ASPH: variants seen among roughly 807,000 people sequenced by gnomAD.
ASPH encodes the protein aspartate beta-hydroxylase, also known as aspartyl/asparaginyl beta-hydroxylase.
In ASPH, 100 loss-of-function variants were observed where a neutral mutation model predicts 118.4. The observed-to-expected ratio is 0.84, with a 90% CI of 0.72 to 1.00. The LOEUF (loss-of-function observed/expected upper bound fraction) is 1.00, where lower values mean the gene tolerates loss of function less well. Ranked by LOEUF, ASPH falls within the 50% of genes least tolerant of loss-of-function variation. The pLI is 0.00. For synonymous variants in ASPH, 315 were observed against 325.6 expected (o/e 0.97, Z 0.35); for missense variants, 920 against 919.5 (o/e 1.00, Z -0.01).
At chr8:61,651,166 C>G in intron 4 of ASPH, 42 bp from the exon 5 acceptor site, 3 of 1,515,666 alleles carry the variant, frequency 2.0e-6, no homozygotes, top group Non-Finnish European at 2.7e-6. Context: ...AAAGCTCAAA[C>G]ATCAACATGG....
chr8:61,526,246 A>G (rs1233889421), intron 21 of ASPH, 134 bp from the exon 22 acceptor site: 3 of 1,236,228 alleles, frequency 2.4e-6, no homozygotes, highest in African/African-American at 1.5e-5. Context: ...TTATATTTCA[A>G]TTTCCTCTGG....
chr8:61,579,580 G>A (rs943032241), intron 15 of ASPH: 149 of 1,520,240 alleles, frequency 9.8e-5, no homozygotes, highest in African/African-American at 1.4e-4. Flanking sequence ...TCCCTCAGCC[G>A]CACCAGTTCC....
intron 17 of ASPH, among the ~76,000 whole-genome samples, chr8:61,565,283 A>T (rs557775647): frequency 2.0e-5 from 3 of 151,896 alleles, no homozygotes; most frequent in Non-Finnish European, 2.9e-5. Flanking sequence ...TTACCAGTAA[A>T]TTTTTTTTAG....
intron 13 of ASPH, chr8:61,624,957 A>C: frequency 2.0e-6 from 2 of 985,008 alleles, no homozygotes; most frequent in Non-Finnish European, 2.4e-6. Context: ...CCCATGCAGG[A>C]CTCACTACAT....
intron 16 of ASPH, among the ~76,000 whole-genome samples, chr8:61,574,784 T>G (rs1251549664): frequency 6.6e-6 from 1 of 152,164 alleles, no homozygotes; most frequent in African/African-American, 2.4e-5. Context: ...CCATGGCACG[T>G]GTATACCTAT....
rs1450700836 is a variant in ASPH at position 61,701,969 on chromosome 8, T to A, written c.103+12300A>T. On this transcript the variant is annotated intron_variant, in intron 1 of 24. Coordinates refer to ENST00000379454, the MANE Select transcript of ASPH (RefSeq NM_004318.4). ...TTAGTCATTTTAAATGGAATTTTAT[T>A]ACAAGGTAATACTAGACATACAATA... Among the ~76,000 whole-genome samples, 6 of 152,224 alleles carry A rather than the reference T, an allele frequency of 3.9e-5. No homozygotes were observed. The South Asian group carries it at 1.0e-3, about 26-fold the overall frequency.
intron 4 of ASPH, among the ~76,000 whole-genome samples, chr8:61,653,169 G>A (rs1811954645): frequency 6.6e-6 from 1 of 152,030 alleles, no homozygotes; most frequent in Non-Finnish European, 1.5e-5. Context: ...AGACCCTCAT[G>A]TAAAAAAGAC....
At chr8:61,573,283 G>A (rs4322002) in intron 16 of ASPH, among the ~76,000 whole-genome samples, 1 of 152,096 alleles carries the variant, frequency 6.6e-6, no homozygotes, top group African/African-American at 2.4e-5. Context: ...AATGGCCATA[G>A]TGCCCAAAGT....
At position 61,643,410 on chromosome 8, in the gene ASPH, C is replaced by A. The variant is rs1237803655; in HGVS notation, c.733G>T (p.Asp245Tyr). 5.6e-6 allele frequency: 9 copies of A among 1,605,262 alleles called. No individual in the cohort carries two copies. The highest frequency in any genetic ancestry group is 5.9e-6 in the Non-Finnish European group (7 of 1,179,542). The change falls in exon 9 of 25, where the codon GAT (aspartate) becomes TAT (tyrosine). Residue 245 changes from aspartate to tyrosine, a missense_variant. By Grantham distance (160) the Asp-to-Tyr change is radical. Coordinates refer to ENST00000379454, the MANE Select transcript of ASPH (RefSeq NM_004318.4). ...NPDSSEPVVE[D>Y]ERLHHDTDDV... ...CCTGTATCATGGTGCAATCTTTCAT[C>A]TTCTACTACTGGTTCACTGGAATCT...
At position 61,588,000 on chromosome 8, in the gene ASPH, AG is replaced by A. The variant is rs1242378208; in HGVS notation, c.977-3972del. Among the ~76,000 whole-genome samples, 41 of 152,264 alleles carry A rather than the reference AG, an allele frequency of 2.7e-4. No homozygotes were observed. In the Middle Eastern group the frequency reaches 0.014, roughly 51 times the overall value. On this transcript the variant is annotated intron_variant, in intron 14 of 24. Transcript: ENST00000379454. Reference sequence around the variant, plus strand: ...TGGGTGATGTGGGCTGCTTCTCTTAAGGTCTCTTTGAACTCAAAAGTCCTGT... The same window carrying A: ...TGGGTGATGTGGGCTGCTTCTCTTAAGTCTCTTTGAACTCAAAAGTCCTGT...
intron 18 of ASPH, among the ~76,000 whole-genome samples, chr8:61,559,577 G>C (rs1033906485): frequency 2.1e-4 from 32 of 152,044 alleles, no homozygotes; most frequent in African/African-American, 7.7e-4. Flanking sequence ...ACATTCCTGG[G>C]ATTTTAAAAA....
chr8:61,534,432 A>T (rs1024251578), intron 21 of ASPH, among the ~76,000 whole-genome samples: 2 of 152,214 alleles, frequency 1.3e-5, no homozygotes, highest in Non-Finnish European at 2.9e-5. Flanking sequence ...AGATCATCAA[A>T]CTCAAAGTAA....
chr8:61,631,327 A>C (rs929288550), intron 13 of ASPH, among the ~76,000 whole-genome samples: 4 of 152,224 alleles, frequency 2.6e-5, no homozygotes, highest in Non-Finnish European at 5.9e-5. Context: ...ATTCACTCAG[A>C]GCAAATTCCA....
chr8:61,633,274 G>C (rs1564102624), intron 13 of ASPH: 1 of 158,412 alleles, frequency 6.3e-6, no homozygotes, highest in Non-Finnish European at 1.4e-5. Flanking sequence ...GATGCTCTCA[G>C]GAGAGATGGG....
intron 14 of ASPH, among the ~76,000 whole-genome samples, chr8:61,617,070 A>T (rs1849285459): frequency 6.6e-6 from 1 of 152,248 alleles, no homozygotes; most frequent in African/African-American, 2.4e-5. Flanking sequence ...CAGGCAGACA[A>T]CATGTAGACA....
intron 1 of ASPH, among the ~76,000 whole-genome samples, chr8:61,693,690 C>T (rs1479898539): frequency 6.6e-6 from 1 of 152,210 alleles, no homozygotes; most frequent in Admixed American, 6.5e-5. Flanking sequence ...TTGATCACAA[C>T]TTCCTACATC....
intron 3 of ASPH, chr8:61,675,527 T>A: frequency 1.0e-6 from 1 of 981,218 alleles, no homozygotes. Context: ...TACATAGAAA[T>A]TTGTATGAAC....
At chr8:61,629,533 T>C (rs1197175937) in intron 13 of ASPH, among the ~76,000 whole-genome samples, 1 of 152,222 alleles carries the variant, frequency 6.6e-6, no homozygotes, top group Non-Finnish European at 1.5e-5. Context: ...GATTGGCCTA[T>C]AATATCAGAA....
intron 16 of ASPH, among the ~76,000 whole-genome samples, chr8:61,575,209 T>C (rs1411749132): frequency 6.6e-6 from 1 of 152,226 alleles, no homozygotes; most frequent in Non-Finnish European, 1.5e-5. Flanking sequence ...CTTCATTCCA[T>C]TACATTTTCT....
Sources: gnomAD v4.1 joint callset for allele counts (sites outside exome capture counted in the v4.1 genomes callset) on GRCh38, gnomAD v4.1.1 for gene constraint, MANE v1.5 for transcripts, NCBI Gene and HGNC (gene_info 2026-07-23, HGNC 2026-07-21) for gene names.